The following SLC71A2 variants were observed in gnomAD, a reference collection of about 807,000 sequenced individuals.
SLC71A2 encodes solute carrier family 71 member 2.
At chr9:94,393,983 G>C in the SLC71A2 span, among the ~76,000 whole-genome samples, 1 of 126,696 alleles carries the variant, frequency 7.9e-6, no homozygotes, top group Admixed American at 7.8e-5. Context: ...TGAATCGTTT[G>C]GAGTTGAGTA....
chr9:94,420,573 T>G, the SLC71A2 span, among the ~76,000 whole-genome samples: 4 of 152,062 alleles, frequency 2.6e-5, no homozygotes. Context: ...TTTTTTTTCT[T>G]GTAGATATTG....
chr9:94,399,056 T>C, the SLC71A2 span, among the ~76,000 whole-genome samples: 1 of 152,070 alleles, frequency 6.6e-6, no homozygotes, highest in East Asian at 1.9e-4. Context: ...CTTCAGGTGA[T>C]CCGCCCACCT....
the SLC71A2 span, among the ~76,000 whole-genome samples, chr9:94,399,963 G>A: frequency 6.2e-3 from 949 of 151,970 alleles, 8 homozygotes; most frequent in African/African-American, 0.021. Context: ...GTGCCACCAC[G>A]GTGGCCTGGC....
At chr9:94,430,157 C>G in the SLC71A2 span, among the ~76,000 whole-genome samples, 5 of 150,334 alleles carry the variant, frequency 3.3e-5, no homozygotes, top group Admixed American at 6.6e-5. Flanking sequence ...CCTGCCTTGG[C>G]CTCCCAAAGT....
At chr9:94,386,564 C>G in the SLC71A2 span, among the ~76,000 whole-genome samples, 73,639 of 151,680 alleles carry the variant, frequency 0.49, 18,118 homozygotes, top group East Asian at 0.6. Flanking sequence ...TGAAGTGGAT[C>G]TTCTGCAGAT....
the SLC71A2 span, among the ~76,000 whole-genome samples, chr9:94,402,963 A>G: frequency 2.0e-5 from 3 of 152,064 alleles, no homozygotes; most frequent in Non-Finnish European, 4.4e-5. Flanking sequence ...ACTCATTACC[A>G]CTATCTGTCT....
the SLC71A2 span, chr9:94,453,925 T>G: frequency 7.3e-7 from 1 of 1,374,952 alleles, no homozygotes; most frequent in Non-Finnish European, 1.0e-6. Context: ...TGTGTTGATG[T>G]GGTTTTTCAG....
At chr9:94,436,024 T>TA in the SLC71A2 span, among the ~76,000 whole-genome samples, 1 of 152,218 alleles carries the variant, frequency 6.6e-6, no homozygotes, top group Admixed American at 6.5e-5. Context: ...TTCTACCTGT[T>TA]AGGCCACTCA....
the SLC71A2 span, among the ~76,000 whole-genome samples, chr9:94,380,793 G>T: frequency 1.6e-5 from 1 of 62,042 alleles, no homozygotes; most frequent in Admixed American, 1.3e-4. Context: ...TTTATAGTTA[G>T]CTTTGTATTT....
At chr9:94,447,606 C>T in the SLC71A2 span, among the ~76,000 whole-genome samples, 4 of 151,920 alleles carry the variant, frequency 2.6e-5, no homozygotes, top group Non-Finnish European at 5.9e-5. Context: ...ATAGCCTCCT[C>T]CACTATCAAC....
At chr9:94,407,183 T>G in the SLC71A2 span, among the ~76,000 whole-genome samples, 1 of 151,686 alleles carries the variant, frequency 6.6e-6, no homozygotes, top group African/African-American at 2.4e-5. Flanking sequence ...ATTATGTGGG[T>G]TTTTCCTCTT....
At chr9:94,379,697 C>T in the SLC71A2 span, among the ~76,000 whole-genome samples, 1 of 152,260 alleles carries the variant, frequency 6.6e-6, no homozygotes, top group African/African-American at 2.4e-5. Context: ...GGCTGGTACT[C>T]TGCATTGATA....
chr9:94,459,281 A>C, the SLC71A2 span: 4 of 1,614,174 alleles, frequency 2.5e-6, no homozygotes, highest in South Asian at 4.4e-5. Flanking sequence ...ACACAGTAAC[A>C]GCAGCAGCGG....
At chr9:94,402,923 A>G in the SLC71A2 span, among the ~76,000 whole-genome samples, 777 of 152,258 alleles carry the variant, frequency 5.1e-3, 1 homozygote, top group Non-Finnish European at 8.3e-3. Context: ...TTTCAGTTCA[A>G]TAGCATTAAG....
chr9:94,421,310 G>C, the SLC71A2 span, among the ~76,000 whole-genome samples: 2 of 152,136 alleles, frequency 1.3e-5, no homozygotes, highest in African/African-American at 4.8e-5. Flanking sequence ...TTTTTATACA[G>C]TAAGTACACT....
At chr9:94,428,106 G>A in the SLC71A2 span, among the ~76,000 whole-genome samples, 1 of 151,580 alleles carries the variant, frequency 6.6e-6, no homozygotes, top group South Asian at 2.1e-4. Flanking sequence ...CTGGCGAAGA[G>A]TGAGACTCCA....
the SLC71A2 span, chr9:94,415,143 A>C: frequency 6.3e-7 from 1 of 1,581,214 alleles, no homozygotes; most frequent in African/African-American, 1.3e-5. Context: ...TTTTCATAAT[A>C]ACTTTCTTTT....
At chr9:94,444,949 T>C in the SLC71A2 span, 1 of 1,611,466 alleles carries the variant, frequency 6.2e-7, no homozygotes, top group African/African-American at 1.3e-5. Flanking sequence ...TGGGTGAGAG[T>C]GTGCTTTCCC....
the SLC71A2 span, among the ~76,000 whole-genome samples, chr9:94,449,459 T>A: frequency 8.3e-4 from 127 of 152,180 alleles, 1 homozygote; most frequent in African/African-American, 3.0e-3. Context: ...GCAGAGAAGA[T>A]CTACAAAAGG....
Sources: allele counts gnomAD v4.1 joint callset (sites outside exome capture counted in the v4.1 genomes callset), GRCh38; gene constraint gnomAD v4.1.1; transcripts MANE v1.5; gene names NCBI Gene and HGNC (gene_info 2026-07-23, HGNC 2026-07-21).